CEP112: variants seen among roughly 807,000 people sequenced by gnomAD.
CEP112 encodes the protein centrosomal protein of 112 kDa.
CEP112 carries 127 observed loss-of-function variants against 153.0 expected under a neutral mutation model. The ratio of observed to expected loss-of-function variants is 0.83; its 90% CI spans 0.72 to 0.96. The LOEUF (loss-of-function observed/expected upper bound fraction) is 0.96. Among genes scored for constraint, CEP112 ranks in the 40% least tolerant of loss-of-function variants. The pLI, the probability that CEP112 is intolerant of heterozygous loss-of-function variation, is 0.00. For synonymous variants in CEP112, 358 were observed against 374.4 expected (o/e 0.96, Z 0.51); for missense variants, 1,089 against 1,101.2 (o/e 0.99, Z 0.16).
intron 20 of CEP112, among the ~76,000 whole-genome samples, chr17:65,900,873 A>C (rs1431827290): frequency 6.6e-6 from 1 of 152,192 alleles, no homozygotes; most frequent in Non-Finnish European, 1.5e-5. Context: ...TACCATGGGC[A>C]CTACAATGAC....
chr17:66,124,184 C>A (rs2069732304), intron 6 of CEP112, among the ~76,000 whole-genome samples: 1 of 152,138 alleles, frequency 6.6e-6, no homozygotes, highest in Non-Finnish European at 1.5e-5. Context: ...CACACATGTC[C>A]ACCTTGGGGA....
chr17:65,699,296 A>G (rs976430833), intron 23 of CEP112, among the ~76,000 whole-genome samples: 1 of 152,210 alleles, frequency 6.6e-6, no homozygotes, highest in East Asian at 1.9e-4. Context: ...CCAACTCTAT[A>G]AAGAGCAAGT....
At chr17:65,731,226 C>T (rs1428230576) in intron 23 of CEP112, among the ~76,000 whole-genome samples, 2 of 152,098 alleles carry the variant, frequency 1.3e-5, no homozygotes, top group African/African-American at 4.8e-5. Flanking sequence ...GGAGATACTC[C>T]AAGTTCAGTT....
intron 21 of CEP112, among the ~76,000 whole-genome samples, chr17:65,798,355 G>A (rs1278332406): frequency 6.6e-6 from 1 of 152,138 alleles, no homozygotes; most frequent in Non-Finnish European, 1.5e-5. Context: ...CTGGGGAAAG[G>A]CTAGCTGGCT....
intron 12 of CEP112, among the ~76,000 whole-genome samples, chr17:66,032,579 T>G (rs937957578): frequency 2.6e-5 from 4 of 152,156 alleles, no homozygotes; most frequent in Admixed American, 2.6e-4. Context: ...AGTCCCTGAA[T>G]GGATCCAGTG....
rs754591356 is a variant in CEP112, at chr17:66,096,268, G to A, written c.751C>T (p.Arg251Ter). ...ATTCCTACCTCTTTCTCACGTATTC[G>A]AGAGAGAAAATGATCATCATGGAAA... ...SSFHDDHFLS[R>*]IREKELDMKT... Residue 251 changes from arginine to a stop codon, truncating the protein, a stop_gained, in exon 8 of 27, where the codon CGA (arginine) becomes TGA (stop). Transcript: ENST00000535342. LOFTEE classifies it high-confidence loss of function. The A allele has an allele frequency of 5.6e-6, 9 of 1,611,548 alleles. No individual in the cohort carries two copies. Among genetic ancestry groups the A allele is most frequent in the Admixed American group, 1.7e-5 (1 of 59,880 alleles).
chr17:65,914,307 T>C (rs760937314), intron 19 of CEP112, among the ~76,000 whole-genome samples: 1 of 151,134 alleles, frequency 6.6e-6, no homozygotes, highest in African/African-American at 2.4e-5. Context: ...ATAAAAATCA[T>C]GTAAGTTTGC....
intron 21 of CEP112, among the ~76,000 whole-genome samples, chr17:65,827,000 CAGA>C (rs1363968176): frequency 5.3e-5 from 8 of 152,188 alleles, no homozygotes; most frequent in African/African-American, 1.9e-4. Flanking sequence ...ATAAAGCAGG[CAGA>C]AGAAGGTGGA....
chr17:65,967,090 C>G (rs1404697933), intron 17 of CEP112, among the ~76,000 whole-genome samples: 4 of 152,032 alleles, frequency 2.6e-5, no homozygotes, highest in Non-Finnish European at 5.9e-5. Flanking sequence ...GAAACAGGTA[C>G]GATAATAGCA....
chr17:65,859,063 T>C (rs1369573571), intron 20 of CEP112, among the ~76,000 whole-genome samples: 3 of 152,166 alleles, frequency 2.0e-5, no homozygotes, highest in Non-Finnish European at 2.9e-5. Context: ...CTTAATTTTA[T>C]CTTATGGAAA....
intron 24 of CEP112, among the ~76,000 whole-genome samples, chr17:65,655,685 C>T (rs1024697844): frequency 1.4e-4 from 21 of 151,880 alleles, no homozygotes; most frequent in African/African-American, 5.1e-4. Context: ...TAAAAGACTA[C>T]CCATTACAAG....
In CEP112 at chr17:65,879,365, G is replaced by T. The variant is rs538374069; in HGVS notation, c.2163+22787C>A. On this transcript the variant is annotated intron_variant, in intron 20 of 26. Coordinates refer to ENST00000535342, the MANE Select transcript of CEP112 (RefSeq NM_001199165.4). Reference sequence around the variant, plus strand: ...TCAAGGAAACATACTTTTTTCCCCTGGAACCTCCAGAAGGAGCCAAGGCTT... The same window carrying T: ...TCAAGGAAACATACTTTTTTCCCCTTGAACCTCCAGAAGGAGCCAAGGCTT... Among the ~76,000 whole-genome samples, 11 of 152,270 alleles carry T rather than the reference G, an allele frequency of 7.2e-5. No individual in the cohort carries two copies. The East Asian group carries it at 1.2e-3, about 16-fold the overall frequency.
intron 21 of CEP112, among the ~76,000 whole-genome samples, chr17:65,850,465 T>A (rs1287659432): frequency 6.6e-6 from 1 of 152,150 alleles, no homozygotes; most frequent in African/African-American, 2.4e-5. Context: ...TCAGAACATA[T>A]CCCAAATCTG....
intron 24 of CEP112, among the ~76,000 whole-genome samples, chr17:65,674,772 A>C (rs2047146390): frequency 6.6e-6 from 1 of 152,220 alleles, no homozygotes. Context: ...TAGGTCTTAA[A>C]ATTGTTTCTA....
chr17:66,101,674 T>C (rs1043487505), intron 6 of CEP112, among the ~76,000 whole-genome samples: 2 of 152,140 alleles, frequency 1.3e-5, no homozygotes, highest in Non-Finnish European at 2.9e-5. Context: ...ATAAACCTAA[T>C]TGATAATTAT....
intron 18 of CEP112, among the ~76,000 whole-genome samples, chr17:65,939,355 T>C (rs2061441717): frequency 6.6e-6 from 1 of 152,126 alleles, no homozygotes; most frequent in Non-Finnish European, 1.5e-5. Flanking sequence ...AAAATGCCAA[T>C]GTCATTTCTC....
intron 6 of CEP112, among the ~76,000 whole-genome samples, chr17:66,099,246 G>A (rs938181938): frequency 1.3e-5 from 2 of 152,160 alleles, no homozygotes; most frequent in Admixed American, 6.5e-5. Context: ...GCTCTTGCCT[G>A]TAATCCCAGC....
At chr17:65,970,851 A>C (rs946874359) in intron 17 of CEP112, among the ~76,000 whole-genome samples, 1 of 152,248 alleles carries the variant, frequency 6.6e-6, no homozygotes, top group African/African-American at 2.4e-5. Context: ...TGCATATGTC[A>C]TGTATATCTG....
At chr17:65,938,089 C>A (rs2061405536) in intron 18 of CEP112, among the ~76,000 whole-genome samples, 1 of 115,980 alleles carries the variant, frequency 8.6e-6, no homozygotes, top group African/African-American at 2.9e-5. Context: ...ATTATTCTGC[C>A]TTGGGATCCT....
Sources: gnomAD v4.1 joint callset for allele counts (sites outside exome capture counted in the v4.1 genomes callset) on GRCh38, gnomAD v4.1.1 for gene constraint, MANE v1.5 for transcripts, NCBI Gene and HGNC (gene_info 2026-07-23, HGNC 2026-07-21) for gene names.